CNTNAP5: variants seen among roughly 807,000 people sequenced by gnomAD.
CNTNAP5 encodes contactin associated protein family member 5.
In CNTNAP5, 72 loss-of-function variants were observed where a neutral mutation model predicts 150.2. The ratio of observed to expected loss-of-function variants is 0.48; its 90% CI spans 0.40 to 0.58. The LOEUF is 0.58. Ranked by LOEUF, CNTNAP5 falls within the 20% of genes least tolerant of loss-of-function variation. The probability of loss-of-function intolerance (pLI) is 0.00; values close to 1 mark genes in which losing one functional copy is unlikely to be tolerated. For missense variants in CNTNAP5, 1,636 were observed against 1,626.2 expected (o/e 1.01, Z -0.10); for synonymous variants, 672 against 619.8 (o/e 1.08, Z -1.25).
chr2:124,226,520 G>T (rs563465506), intron 2 of CNTNAP5, among the ~76,000 whole-genome samples: 1 of 151,800 alleles, frequency 6.6e-6, no homozygotes, highest in East Asian at 1.9e-4. Context: ...TGAGATATTC[G>T]GCTTGCAAAT....
intron 2 of CNTNAP5, among the ~76,000 whole-genome samples, chr2:124,226,600 T>C (rs1459956380): frequency 6.6e-6 from 1 of 152,196 alleles, no homozygotes; most frequent in Non-Finnish European, 1.5e-5. Flanking sequence ...AGAAGGTTTT[T>C]AGTTTGATAT....
At chr2:124,574,996 G>A (rs1460140141) in intron 11 of CNTNAP5, among the ~76,000 whole-genome samples, 4 of 152,128 alleles carry the variant, frequency 2.6e-5, no homozygotes, top group Admixed American at 2.0e-4. Flanking sequence ...ATGAATCAAT[G>A]GGCGTGAAAT....
At chr2:124,334,474 A>G (rs1396537226) in intron 3 of CNTNAP5, among the ~76,000 whole-genome samples, 2 of 152,202 alleles carry the variant, frequency 1.3e-5, no homozygotes, top group Admixed American at 1.3e-4. Flanking sequence ...GCATATGGTT[A>G]ACAAGGATTC....
chr2:124,237,510 G>A (rs1269416991), intron 2 of CNTNAP5, among the ~76,000 whole-genome samples: 3 of 152,062 alleles, frequency 2.0e-5, no homozygotes, highest in Non-Finnish European at 4.4e-5. Flanking sequence ...GGAGGCAGGA[G>A]ATCTGGTTTT....
intron 17 of CNTNAP5, among the ~76,000 whole-genome samples, chr2:124,777,638 C>A (rs777524260): frequency 1.3e-5 from 2 of 152,100 alleles, no homozygotes; most frequent in Admixed American, 6.6e-5. Flanking sequence ...CCACCTTGGC[C>A]GCCCAGATTG....
chr2:124,357,219 C>A (rs576827235), intron 3 of CNTNAP5, among the ~76,000 whole-genome samples: 1 of 152,068 alleles, frequency 6.6e-6, no homozygotes, highest in Admixed American at 6.6e-5. Flanking sequence ...CTTTGCCAGA[C>A]GAGTAGGTTA....
intron 19 of CNTNAP5, among the ~76,000 whole-genome samples, chr2:124,834,354 C>A (rs908228778): frequency 6.7e-6 from 1 of 149,990 alleles, no homozygotes; most frequent in African/African-American, 2.5e-5. Context: ...ATGCTTTAGA[C>A]AATTGATTCT....
chr2:124,337,089 T>A (rs566135872), intron 3 of CNTNAP5, among the ~76,000 whole-genome samples: 1 of 152,300 alleles, frequency 6.6e-6, no homozygotes, highest in South Asian at 2.1e-4. Context: ...AGATGGTATC[T>A]CATTGTGGTT....
intron 3 of CNTNAP5, among the ~76,000 whole-genome samples, chr2:124,398,086 C>T (rs78686336): frequency 0.014 from 2,158 of 152,276 alleles, 50 homozygotes; most frequent in African/African-American, 0.049. Flanking sequence ...CAAAATTCCA[C>T]TGAGTTTCTG....
chr2:124,169,415 A>G (rs1483556634), intron 1 of CNTNAP5, among the ~76,000 whole-genome samples: 1 of 152,218 alleles, frequency 6.6e-6, no homozygotes, highest in Non-Finnish European at 1.5e-5. Context: ...CAATAAAGAA[A>G]AAAGGAAAAA....
In CNTNAP5 at chr2:124,915,756, CCATG is replaced by C. The variant is rs1678753722; in HGVS notation, c.*1469_*1472del. On this transcript the variant is annotated 3_prime_UTR_variant, in exon 24 of 24. Transcript: ENST00000682447. ...CTTCAAGAAGGCACCTTGAGCTCAT[CCATG>C]GGGTGGCGGTAAAGATCTTAATGAT... Among the ~76,000 whole-genome samples, 1 of 151,986 alleles carries C rather than the reference CCATG, an allele frequency of 6.6e-6. No homozygotes were observed. Among genetic ancestry groups the C allele is most frequent in the Admixed American group, 6.6e-5 (1 of 15,238 alleles).
chr2:124,224,617 T>G (rs1400259995), intron 2 of CNTNAP5, among the ~76,000 whole-genome samples: 2 of 151,978 alleles, frequency 1.3e-5, no homozygotes, highest in Non-Finnish European at 2.9e-5. Context: ...TATTCATACA[T>G]AGTAGGATGA....
Position 124,438,806 on chromosome 2 carries a change from G to T in CNTNAP5, c.733+4119G>T, listed in dbSNP as rs563926485. On this transcript the variant is annotated intron_variant, in intron 5 of 23. Coordinates refer to ENST00000682447, the MANE Select transcript of CNTNAP5 (RefSeq NM_001367498.1). ...TTTTTTTAGTTGCCATTTTTTGAGA[G>T]CCCACATTTAGGCATTGCATTAAAC... Among the ~76,000 whole-genome samples the T allele has an allele frequency of 9.9e-5, 15 of 152,134 alleles. No homozygotes were observed. The South Asian group carries it at 2.5e-3, about 25-fold the overall frequency.
chr2:124,574,100 T>C (rs539906918), intron 11 of CNTNAP5, among the ~76,000 whole-genome samples: 1 of 152,306 alleles, frequency 6.6e-6, no homozygotes, highest in Admixed American at 6.5e-5. Context: ...TACTATAGAC[T>C]ACCAAATAGA....
intron 12 of CNTNAP5, among the ~76,000 whole-genome samples, chr2:124,612,594 C>A (rs1323838030): frequency 6.6e-6 from 1 of 152,108 alleles, no homozygotes; most frequent in Non-Finnish European, 1.5e-5. Context: ...TTAAAGGTTA[C>A]TGTTTTGCTG....
At chr2:124,454,011 C>A (rs1693053913) in intron 6 of CNTNAP5, among the ~76,000 whole-genome samples, 1 of 152,104 alleles carries the variant, frequency 6.6e-6, no homozygotes, top group South Asian at 2.1e-4. Context: ...AGTATACAGG[C>A]AACAAATAGC....
At chr2:124,536,943 A>C (rs1695245644) in intron 10 of CNTNAP5, among the ~76,000 whole-genome samples, 1 of 152,096 alleles carries the variant, frequency 6.6e-6, no homozygotes, top group Non-Finnish European at 1.5e-5. Flanking sequence ...AAACAGTTTA[A>C]AACTTGAGAG....
At chr2:124,164,481 C>A (rs79068001) in intron 1 of CNTNAP5, among the ~76,000 whole-genome samples, 3,111 of 152,290 alleles carry the variant, frequency 0.02, 59 homozygotes, top group Non-Finnish European at 0.031. Flanking sequence ...TGTATATATA[C>A]TTTTCTTTCC....
At chr2:124,446,546 G>C (rs1692821412) in intron 5 of CNTNAP5, among the ~76,000 whole-genome samples, 1 of 152,052 alleles carries the variant, frequency 6.6e-6, no homozygotes. Flanking sequence ...ATTTTGTCTG[G>C]AAGGAGGTAT....
Sources: allele counts gnomAD v4.1 joint callset (sites outside exome capture counted in the v4.1 genomes callset), GRCh38; gene constraint gnomAD v4.1.1; transcripts MANE v1.5; gene names NCBI Gene and HGNC (gene_info 2026-07-23, HGNC 2026-07-21).